PPP2R5C: variants seen among roughly 807,000 people sequenced by gnomAD.
The protein encoded by PPP2R5C is protein phosphatase 2 regulatory subunit B'gamma, also known as serine/threonine-protein phosphatase 2A 56 kDa regulatory subunit gamma isoform.
PPP2R5C carries 7 observed loss-of-function variants against 68.9 expected under a neutral mutation model. That is an observed-to-expected ratio of 0.10 (90% CI 0.06 to 0.19). PPP2R5C has a LOEUF of 0.19. Ranked by LOEUF, PPP2R5C falls within the 10% of genes least tolerant of loss-of-function variation. The probability of loss-of-function intolerance (pLI) is 1.00; values close to 1 mark genes in which losing one functional copy is unlikely to be tolerated. For synonymous variants in PPP2R5C, 210 were observed against 222.2 expected, an observed-to-expected ratio of 0.95 and a Z score of 0.49; for missense variants, 348 against 641.3, an observed-to-expected ratio of 0.54 and a Z score of 4.94.
chr14:101,787,619 T>C (rs974346059), intron 3 of PPP2R5C, among the ~76,000 whole-genome samples: 2 of 151,664 alleles, frequency 1.3e-5, no homozygotes, highest in African/African-American at 4.8e-5. Context: ...AAAACAAAAT[T>C]AGCCAGGCGT....
chr14:101,770,150 G>A (rs2037073188), intron 2 of PPP2R5C, among the ~76,000 whole-genome samples: 1 of 152,204 alleles, frequency 6.6e-6, no homozygotes. Flanking sequence ...ATGTCATTAT[G>A]TGGCAGTGAC....
chr14:101,806,056 G>A (rs913028429), upstream of PPP2R5C, among the ~76,000 whole-genome samples: 1 of 152,126 alleles, frequency 6.6e-6, no homozygotes, highest in Non-Finnish European at 1.5e-5. Context: ...GGTACATTTT[G>A]TGTTGATGTA....
At position 101,898,025 on chromosome 14, in the gene PPP2R5C, T is replaced by G. The variant is rs1436779799; in HGVS notation, c.852+3465T>G. ...AAAAAATTTAATTAGCTGGGCATGG[T>G]GACATGTACCTGTGGTCCCAGCTAC... On this transcript the variant is annotated intron_variant, in intron 8 of 13. Coordinates refer to ENST00000334743, the Ensembl canonical transcript of PPP2R5C. Among the ~76,000 whole-genome samples, 24 of 150,984 alleles carry G rather than the reference T, an allele frequency of 1.6e-4. 1 individual carries two copies. Among genetic ancestry groups the G allele is most frequent in the Admixed American group, 1.2e-3 (18 of 15,230 alleles).
intron 1 of PPP2R5C, among the ~76,000 whole-genome samples, chr14:101,831,032 A>G (rs553030881): frequency 6.6e-6 from 1 of 152,312 alleles, no homozygotes; most frequent in East Asian, 1.9e-4. Context: ...GCTGGTGGAA[A>G]ATTATAGACT....
rs1287408964 is a variant in PPP2R5C at position 101,877,241 on chromosome 14, G to T, written c.295-4920G>T. On this transcript the variant is annotated intron_variant, in intron 2 of 13. Transcript: ENST00000334743. The surrounding 1 kb of genome is among the most constrained non-coding windows in gnomAD (Gnocchi z 4.2). ...TGGGATTACAGGCATGAGTCACCGC[G>T]CCTGGCCTTTACCCTTTCCAATGGA... Among the ~76,000 whole-genome samples the T allele has an allele frequency of 5.9e-5, 9 of 152,166 alleles. No homozygotes were observed. In the South Asian group the frequency reaches 1.9e-3, roughly 32 times the overall value.
chr14:101,878,272 A>G (rs542414360), intron 2 of PPP2R5C, among the ~76,000 whole-genome samples: 2 of 152,292 alleles, frequency 1.3e-5, no homozygotes, highest in East Asian at 1.9e-4. Context: ...CTTTAACATG[A>G]ATGTGAGGAA....
At chr14:101,848,004 T>C (rs2041943665) in intron 1 of PPP2R5C, among the ~76,000 whole-genome samples, 1 of 152,206 alleles carries the variant, frequency 6.6e-6, no homozygotes, top group Non-Finnish European at 1.5e-5. Flanking sequence ...TTAGTTCTTA[T>C]ATCCCAATTG....
chr14:101,829,198 G>A (rs2040583963), intron 1 of PPP2R5C, among the ~76,000 whole-genome samples: 1 of 152,070 alleles, frequency 6.6e-6, no homozygotes, highest in African/African-American at 2.4e-5. Flanking sequence ...ATAGGAGCAT[G>A]GGGCTTGCCT....
intron 1 of PPP2R5C, among the ~76,000 whole-genome samples, chr14:101,844,589 C>G (rs375023649): frequency 6.6e-6 from 1 of 152,108 alleles, no homozygotes; most frequent in African/African-American, 2.4e-5. Context: ...AGCAAGAGTT[C>G]GTGTCTAGAA....
At chr14:101,924,941 G>A (rs143020120) in intron 13 of PPP2R5C, among the ~76,000 whole-genome samples, 200 bp from the exon 16 acceptor site, 6 of 152,254 alleles carry the variant, frequency 3.9e-5, no homozygotes, top group Middle Eastern at 3.4e-3. Context: ...GTCCTCAAAC[G>A]AGTCACGATT....
chr14:101,924,693 G>A (rs898334483), intron 13 of PPP2R5C, among the ~76,000 whole-genome samples: 2 of 151,654 alleles, frequency 1.3e-5, no homozygotes, highest in African/African-American at 2.4e-5. Flanking sequence ...CGTCCGCCTC[G>A]GCCTCCCAAA....
chr14:101,785,703 G>A (rs1165414187), intron 2 of PPP2R5C, among the ~76,000 whole-genome samples: 1 of 152,180 alleles, frequency 6.6e-6, no homozygotes, highest in Non-Finnish European at 1.5e-5. Context: ...ATATTCACCA[G>A]TTCCAGGAAT....
intron 5 of PPP2R5C, among the ~76,000 whole-genome samples, chr14:101,885,663 G>A (rs115959542): frequency 0.032 from 4,925 of 152,324 alleles, 125 homozygotes; most frequent in African/African-American, 0.077. Context: ...CCCACATCTC[G>A]TTTGTAAAAT....
chr14:101,871,574 C>T (rs1262110471), intron 2 of PPP2R5C, among the ~76,000 whole-genome samples: 2 of 152,048 alleles, frequency 1.3e-5, no homozygotes, highest in Non-Finnish European at 2.9e-5. Flanking sequence ...TCAGACAATC[C>T]CTGTCTTTCA....
chr14:101,778,359 T>G (rs1417938192), intron 2 of PPP2R5C, among the ~76,000 whole-genome samples: 1 of 152,168 alleles, frequency 6.6e-6, no homozygotes, highest in South Asian at 2.1e-4. Context: ...ATTCTGTGGG[T>G]TTTTTCACTT....
In PPP2R5C at chr14:101,891,566, CAT is replaced by C. The variant is rs1490193821; in HGVS notation, c.689+1271_689+1272del. Among the ~76,000 whole-genome samples, 13 of 152,268 alleles carry C rather than the reference CAT, an allele frequency of 8.5e-5. 1 individual carries two copies. Among genetic ancestry groups the C allele is most frequent in the South Asian group, 2.1e-4 (1 of 4,818 alleles). On this transcript the variant is annotated intron_variant, in intron 6 of 13. Transcript: ENST00000334743. The surrounding 1 kb of genome is among the most constrained non-coding windows in gnomAD (Gnocchi z 4.9). The stretch of plus-strand genomic sequence containing the variant: ...TTGCAGGGACCGGAGCGCTGTATGA[CAT>C]GTGTTCCACAGCCCGCCATGCCGTG...
intron 8 of PPP2R5C, among the ~76,000 whole-genome samples, chr14:101,900,341 G>A (rs1311770736): frequency 2.0e-5 from 3 of 152,220 alleles, no homozygotes; most frequent in Non-Finnish European, 4.4e-5. Flanking sequence ...TGACTAAAAG[G>A]CTGGCCTGCT....
chr14:101,924,692 C>G (rs1252539219), intron 13 of PPP2R5C, among the ~76,000 whole-genome samples: 1 of 151,974 alleles, frequency 6.6e-6, no homozygotes, highest in East Asian at 1.9e-4. Context: ...CCGTCCGCCT[C>G]GGCCTCCCAA....
chr14:101,822,040 G>A (rs2040104100), intron 1 of PPP2R5C, among the ~76,000 whole-genome samples: 2 of 151,672 alleles, frequency 1.3e-5, no homozygotes, highest in African/African-American at 4.9e-5. Flanking sequence ...AAAACGTTGA[G>A]GTCTTATTAA....
Sources: gnomAD v4.1 joint callset for allele counts (sites outside exome capture counted in the v4.1 genomes callset) on GRCh38, gnomAD v4.1.1 for gene constraint, Gnocchi (gnomAD v3.1) non-coding constraint, MANE v1.5 for transcripts, NCBI Gene and HGNC (gene_info 2026-07-23, HGNC 2026-07-21) for gene names.